The following EEF1D variants were observed in gnomAD, a reference collection of about 807,000 sequenced individuals.
The protein encoded by EEF1D is eukaryotic translation elongation factor 1 delta.
A neutral mutation model predicts 63.9 loss-of-function variants in EEF1D; 47 were observed. The observed-to-expected ratio is 0.74, with a 90% CI of 0.58 to 0.94. The LOEUF (loss-of-function observed/expected upper bound fraction) is 0.94, where lower values mean the gene tolerates loss of function less well. EEF1D is among the 40% of genes least tolerant of loss of function. The pLI, the probability that EEF1D is intolerant of heterozygous loss-of-function variation, is 0.00. For synonymous variants in EEF1D, 412 were observed against 386.1 expected (o/e 1.07, Z -0.79); for missense variants, 907 against 899.0 (o/e 1.01, Z -0.11).
At position 143,580,576 on chromosome 8, in the gene EEF1D, T is replaced by C; in HGVS notation, c.1640A>G (p.Gln547Arg). Residue 547 changes from glutamine (Q) to arginine (R), a missense_variant, in exon 8 of 10, where the codon CAG becomes CGG. Physicochemically the swap from Gln to Arg is conservative, Grantham distance 43. Transcript: ENST00000618139. ...AAQLREERLR[Q>R]YAEKKAKKPA... ...CTTCTTGGCCTTCTTCTCCGCGTAC[T>C]GCCGTAGCCGCTCCTCCCGCAGCTG... is the stretch of plus-strand genomic sequence containing the variant. 6.2e-7 allele frequency: 1 copy of C among 1,613,440 alleles called. No homozygotes were observed. The highest frequency in any genetic ancestry group is 8.5e-7 in the Non-Finnish European group (1 of 1,179,856).
In EEF1D at chr8:143,588,984, C is replaced by G. The variant is rs1238874562; in HGVS notation, c.1091+7G>C. 3 of 1,593,668 alleles carry G rather than the reference C, an allele frequency of 1.9e-6. No homozygotes were observed. Among genetic ancestry groups the G allele is most frequent in the Non-Finnish European group, 2.5e-6 (3 of 1,178,478 alleles). ...GGCTGGGTGCCCACCCAGCACGTTT[C>G]TCCTACTTGGGTCTCAGGCTGGACA... On this transcript the variant is annotated splice_region_variant and intron_variant, in intron 3 of 9. Transcript: ENST00000618139.
chr8:143,593,739 A>C (rs757639981), intron 1 of EEF1D: 65 of 454,234 alleles, frequency 1.4e-4, no homozygotes, highest in Non-Finnish European at 1.7e-4. Flanking sequence ...GGAGACCTGG[A>C]GGCCAGGCCC....
chr8:143,579,873 A>G (rs1824968922), intron 9 of EEF1D, 43 bp from the exon 10 acceptor site: 3 of 1,539,368 alleles, frequency 1.9e-6, no homozygotes, highest in Non-Finnish European at 2.6e-6. Flanking sequence ...GTTCCCCTAC[A>G]GCCCACTCGG....
Position 143,580,583 on chromosome 8 carries a change from G to A in EEF1D, c.1633C>T (p.Leu545=). 1 of 1,613,548 alleles carries A rather than the reference G, an allele frequency of 6.2e-7. No homozygotes were observed. The highest frequency in any genetic ancestry group is 8.5e-7 in the Non-Finnish European group (1 of 1,179,880). The part of the protein sequence containing the change: ...KEAAQLREER[L]RQYAEKKAKK... ...GCCTTCTTCTCCGCGTACTGCCGTA[G>A]CCGCTCCTCCCGCAGCTGTGCCGCC... is the stretch of plus-strand genomic sequence containing the variant. The change falls in exon 8 of 10, where the codon CTA becomes TTA. Residue 545 remains leucine, a synonymous_variant. Coordinates refer to ENST00000618139, the MANE Select transcript of EEF1D (RefSeq NM_001130053.5).
chr8:143,593,978 G>A lies in EEF1D; in HGVS notation c.-14-1318C>T, dbSNP rs535502893. 408 of 951,218 alleles carry A rather than the reference G, an allele frequency of 4.3e-4. 5 individuals are homozygous for A. The African/African-American group carries it at 6.9e-3, about 16-fold the overall frequency. The allele number at this position is 951,218 out of a possible 1,614,324, so 58.9% of individuals were successfully genotyped here. A position where few individuals can be genotyped will look rare whatever the true frequency, so the allele number is the denominator to read the frequency against. ...CAAGCCTCTCCTCTCCAGCAGGAGA[G>A]CCCGGAGCAGGACACAGCGACTCTT... On this transcript the variant is annotated intron_variant, in intron 1 of 9. Transcript: ENST00000618139.
In EEF1D at chr8:143,581,166, A is replaced by G; in HGVS notation, c.1388-12T>C. ...CAGCTCCTGTACCACTGGGGGGGCA[A>G]GGGGAGCACGGTTAGATGGCAGGGG... On this transcript the variant is annotated splice_polypyrimidine_tract_variant and intron_variant, in intron 6 of 9. Transcript: ENST00000618139. 1 of 1,612,904 alleles carries G rather than the reference A, an allele frequency of 6.2e-7. No homozygotes were observed. Among genetic ancestry groups the G allele is most frequent in the South Asian group, 1.1e-5 (1 of 91,080 alleles).
rs368141371 is a variant in EEF1D at position 143,581,088 on chromosome 8, G to C, written c.1454C>G (p.Ser485Trp). The change falls in exon 7 of 10, where the codon TCG becomes TGG. Residue 485 changes from serine to tryptophan, a missense_variant. By Grantham distance (177) the Ser-to-Trp change is radical. Coordinates refer to ENST00000618139, the MANE Select transcript of EEF1D (RefSeq NM_001130053.5). ...EARLNVLEKS[S>W]PGHRATAPQT... Reference sequence around the variant, plus strand: ...TGGGGCCGTGGCCCGGTGGCCAGGCGAGCTCTTCTCCAGCACGTTCAGCCG... The same window carrying C: ...TGGGGCCGTGGCCCGGTGGCCAGGCCAGCTCTTCTCCAGCACGTTCAGCCG... 6.2e-7 allele frequency: 1 copy of C among 1,612,374 alleles called. No individual in the cohort carries two copies. Among genetic ancestry groups the C allele is most frequent in the Admixed American group, 1.7e-5 (1 of 60,000 alleles).
intron 2 of EEF1D, among the ~76,000 whole-genome samples, chr8:143,591,714 G>A (rs554088219): frequency 1.3e-5 from 2 of 152,362 alleles, no homozygotes; most frequent in Non-Finnish European, 2.9e-5. Flanking sequence ...CACCTGCCTG[G>A]TCTGCACCCA....
intron 5 of EEF1D, 25 bp from the exon 6 acceptor site, chr8:143,581,353 C>A (rs764688998): frequency 1.0e-5 from 16 of 1,599,954 alleles, no homozygotes; most frequent in Admixed American, 8.5e-5. Flanking sequence ...GAGGGGAGGG[C>A]TCAGTGCCCA....
At position 143,580,221 on chromosome 8, in the gene EEF1D, G is replaced by C. The variant is rs750512749; in HGVS notation, c.1711-15C>G. The C allele has an allele frequency of 1.2e-6, 2 of 1,609,818 alleles. No individual in the cohort carries two copies. The highest frequency in any genetic ancestry group is 2.2e-5 in the South Asian group (2 of 90,898). ...TCATCATCCCACTGTGGGGAAAGGG[G>C]AGGAAAAGCTGGGGTCAGCCACCCT... On this transcript the variant is annotated splice_polypyrimidine_tract_variant and intron_variant, in intron 8 of 9. Transcript: ENST00000618139.
chr8:143,584,440 A>G (rs1429603868), intron 5 of EEF1D, among the ~76,000 whole-genome samples: 1 of 151,474 alleles, frequency 6.6e-6, no homozygotes, highest in African/African-American at 2.4e-5. Flanking sequence ...GGTGGCAGAC[A>G]CCTGCAGTCT....
rs142439099 is a variant in EEF1D at position 143,580,571 on chromosome 8, C to A, written c.1645G>T (p.Ala549Ser). ...QLREERLRQY[A>S]EKKAKKPALV... ...GCAGGCTTCTTGGCCTTCTTCTCCG[C>A]GTACTGCCGTAGCCGCTCCTCCCGC... The change falls in exon 8 of 10, where the codon GCG becomes TCG. Residue 549 changes from alanine (A) to serine (S), a missense_variant. Transcript: ENST00000618139. 269 of 1,613,390 alleles carry A rather than the reference C, an allele frequency of 1.7e-4. No homozygotes were observed. In the African/African-American group the frequency reaches 3.2e-3, roughly 19 times the overall value.
intron 5 of EEF1D, among the ~76,000 whole-genome samples, chr8:143,584,702 G>GAAT (rs2130917691): frequency 2.0e-5 from 1 of 49,432 alleles, no homozygotes; most frequent in South Asian, 7.9e-4. Context: ...TCATCTTCTA[G>GAAT]AACAACCTAA....
rs1056264867 is a variant in EEF1D, at chr8:143,589,469, C to A, written c.613G>T (p.Val205Phe). The change falls in exon 3 of 10, where the codon GTC (valine) becomes TTC (phenylalanine). Residue 205 changes from valine to phenylalanine, a missense_variant. Transcript: ENST00000618139. Reference sequence around the variant, plus strand: ...CTGGGCTGGTGGGCCAGGTCGGGGACGGCCACCTGCTGGCCTGTGTTGGGA... The same window carrying A: ...CTGGGCTGGTGGGCCAGGTCGGGGAAGGCCACCTGCTGGCCTGTGTTGGGA... ...GTPNTGQQVA[V>F]PDLAHQPSPP... The A allele has an allele frequency of 1.3e-6, 2 of 1,528,324 alleles. No homozygotes were observed. The highest frequency in any genetic ancestry group is 1.4e-5 in the African/African-American group (1 of 72,474). The allele number at this position is 1,528,324 out of a possible 1,614,324, so 94.7% of individuals were successfully genotyped here.
chr8:143,591,480 G>A (rs911078995), intron 2 of EEF1D, among the ~76,000 whole-genome samples: 2 of 152,200 alleles, frequency 1.3e-5, no homozygotes, highest in Non-Finnish European at 2.9e-5. Context: ...ACCCCAGCCC[G>A]CGCTCAGCCT....
intron 5 of EEF1D, among the ~76,000 whole-genome samples, chr8:143,584,809 G>A (rs986983959): frequency 6.6e-6 from 1 of 152,156 alleles, no homozygotes; most frequent in Admixed American, 6.5e-5. Flanking sequence ...CAAACCTCAC[G>A]TGACCCGCCG....
At chr8:143,579,943 G>A in intron 9 of EEF1D, 69 bp downstream of exon 9, 1 of 1,566,264 alleles carries the variant, frequency 6.4e-7, no homozygotes, top group Non-Finnish European at 8.7e-7. Context: ...CTGCCGTGGG[G>A]TGGAGTGCAG....
In EEF1D at chr8:143,580,690, T is replaced by G. The variant is rs1825309724; in HGVS notation, c.1526A>C (p.Lys509Thr). The change falls in exon 8 of 10, where the codon AAG becomes ACG. Residue 509 changes from lysine to threonine, a missense_variant. Coordinates refer to ENST00000618139, the MANE Select transcript of EEF1D (RefSeq NM_001130053.5). ...SPMRQVEPPA[K>T]KPATPAEDDE... ...ATCCTCTGCTGGTGTGGCTGGCTTCTTGGCTGGGGGCTCCACTTGGCGCAT... is the reference window on the plus strand; with the variant it reads ...ATCCTCTGCTGGTGTGGCTGGCTTCGTGGCTGGGGGCTCCACTTGGCGCAT... 1 of 1,613,720 alleles carries G rather than the reference T, an allele frequency of 6.2e-7. No homozygotes were observed.
Position 143,589,369 on chromosome 8 carries a change from CG to C in EEF1D, c.712del (p.Arg238GlyfsTer47). The C allele has an allele frequency of 6.4e-7, 1 of 1,553,442 alleles. No homozygotes were observed. Among genetic ancestry groups the C allele is most frequent in the Non-Finnish European group, 8.7e-7 (1 of 1,145,836 alleles). Reference sequence around the variant, plus strand: ...GAAGCCCCTCTCGGCTGCATCATACCGGGGCTTCTCCAGCCACACCTCCCGA... The same window carrying C: ...GAAGCCCCTCTCGGCTGCATCATACCGGGCTTCTCCAGCCACACCTCCCGA... ...LVREVWLEKP[R>X]YDAAERGFYE... On this transcript the variant is annotated frameshift_variant, in exon 3 of 10. Coordinates refer to ENST00000618139, the MANE Select transcript of EEF1D (RefSeq NM_001130053.5). LOFTEE classifies it high-confidence loss of function.
Sources: allele counts gnomAD v4.1 joint callset (sites outside exome capture counted in the v4.1 genomes callset), GRCh38; gene constraint gnomAD v4.1.1; transcripts MANE v1.5; gene names NCBI Gene and HGNC (gene_info 2026-07-23, HGNC 2026-07-21).